Variants in CPLX2 observed in about 807,000 individuals in gnomAD.
CPLX2 encodes complexin-2.
Under a neutral mutation model 16.3 loss-of-function variants are expected in CPLX2, and 5 were observed. The ratio of observed to expected loss-of-function variants is 0.31; its 90% CI spans 0.16 to 0.64. The LOEUF (loss-of-function observed/expected upper bound fraction) is 0.64, where lower values mean the gene tolerates loss of function less well. Among genes scored for constraint, CPLX2 ranks in the 30% least tolerant of loss-of-function variants. CPLX2 has a pLI of 0.79. For synonymous variants in CPLX2, 89 were observed against 73.2 expected (o/e 1.22, Z -1.10); for missense variants, 144 against 181.4 (o/e 0.79, Z 1.18).
intron 2 of CPLX2, among the ~76,000 whole-genome samples, chr5:175,836,150 A>G (rs1210836427): frequency 3.3e-5 from 5 of 152,068 alleles, no homozygotes; most frequent in East Asian, 3.9e-4. Flanking sequence ...GGAGATCGAA[A>G]CCATCCTGGC....
At chr5:175,828,287 T>A (rs895868603) in intron 2 of CPLX2, among the ~76,000 whole-genome samples, 1 of 151,954 alleles carries the variant, frequency 6.6e-6, no homozygotes, top group East Asian at 1.9e-4. Flanking sequence ...AGGGTGAGGG[T>A]CTGGAAACTG....
Position 175,809,761 on chromosome 5 carries a change from G to A in CPLX2, c.-89+693G>A, listed in dbSNP as rs748040236. On this transcript the variant is annotated intron_variant, in intron 2 of 4. Transcript: ENST00000359546. The surrounding 1 kb of genome is among the most constrained non-coding windows in gnomAD (Gnocchi z 4.4). The stretch of plus-strand genomic sequence containing the variant: ...ACATCGCCTCTTCCCCACCACCCAC[G>A]ACCAGTAATCCAGTGTGCATAGTTG... Among the ~76,000 whole-genome samples the A allele has an allele frequency of 6.6e-6, 1 of 152,036 alleles. No individual in the cohort carries two copies. The highest frequency in any genetic ancestry group is 6.6e-5 in the Admixed American group (1 of 15,258).
chr5:175,802,451 C>T (rs534656154), intron 1 of CPLX2, among the ~76,000 whole-genome samples: 13 of 152,346 alleles, frequency 8.5e-5, no homozygotes, highest in South Asian at 6.2e-4. Context: ...GAAAATGTAT[C>T]TCCACGTTTG....
intron 2 of CPLX2, among the ~76,000 whole-genome samples, chr5:175,851,963 A>C (rs1305352081): frequency 3.9e-5 from 6 of 152,180 alleles, no homozygotes; most frequent in African/African-American, 1.4e-4. Context: ...GGGACGGGCT[A>C]TTTCTGCACC....
intron 2 of CPLX2, among the ~76,000 whole-genome samples, chr5:175,841,717 T>G (rs759719522): frequency 1.3e-5 from 2 of 152,124 alleles, no homozygotes; most frequent in Admixed American, 6.5e-5. Context: ...GTCTCCCTTC[T>G]TTGCCTTAGA....
intron 2 of CPLX2, among the ~76,000 whole-genome samples, chr5:175,841,491 C>T (rs1259696384): frequency 6.6e-6 from 1 of 152,188 alleles, no homozygotes; most frequent in African/African-American, 2.4e-5. Context: ...GAGCAGGGAA[C>T]GTGGGGTACA....
At chr5:175,871,464 A>AGAGAGAGAGAGAGAGAGAGG (rs1759612743), upstream of CPLX2, 3 of 93,320 alleles carry the variant, frequency 3.2e-5, no homozygotes, top group South Asian at 3.6e-4. Context: ...AGAGAGAGAG[A>AGAGAGAGAGAGAGAGAGAGG]GAGAGAGAGA....
intron 2 of CPLX2, among the ~76,000 whole-genome samples, chr5:175,863,683 G>GT (rs1034260138): frequency 7.9e-5 from 12 of 151,930 alleles, no homozygotes; most frequent in South Asian, 2.1e-4. Flanking sequence ...GTTTTATTTT[G>GT]TTTTTTTGCC....
chr5:175,854,700 T>C (rs75195640), intron 2 of CPLX2, among the ~76,000 whole-genome samples: 2,540 of 152,220 alleles, frequency 0.017, 60 homozygotes, highest in African/African-American at 0.058. Context: ...TAAATATGTA[T>C]ACAAAGATAA....
At chr5:175,813,438 A>G (rs1393059510) in intron 2 of CPLX2, among the ~76,000 whole-genome samples, 1 of 152,258 alleles carries the variant, frequency 6.6e-6, no homozygotes, top group African/African-American at 2.4e-5. Flanking sequence ...TAGTTCTTAT[A>G]TCCTTCTATT....
At chr5:175,808,529 T>C (rs1758254840) in intron 1 of CPLX2, among the ~76,000 whole-genome samples, 1 of 152,112 alleles carries the variant, frequency 6.6e-6, no homozygotes, top group Admixed American at 6.5e-5. Flanking sequence ...AACAAGCACT[T>C]ATATAGCACT....
chr5:175,819,643 G>A (rs1278553617), intron 2 of CPLX2, among the ~76,000 whole-genome samples: 1 of 152,212 alleles, frequency 6.6e-6, no homozygotes, highest in African/African-American at 2.4e-5. Flanking sequence ...GGGATTGGAA[G>A]TGGGTGTCCT....
rs1319841710 is a variant in CPLX2 at position 175,830,702 on chromosome 5, A to C, written c.-89+21634A>C. On this transcript the variant is annotated intron_variant, in intron 2 of 4. Transcript: ENST00000359546. This position sits in a 1 kb window ranked among gnomAD's most constrained non-coding sequence, Gnocchi z 4.0. ...GCTTTCCTGGAAACAGCAGGAAGCTATTTTTAAAGCAGCATCCGCAGGCAG... is the reference window on the plus strand; with the variant it reads ...GCTTTCCTGGAAACAGCAGGAAGCTCTTTTTAAAGCAGCATCCGCAGGCAG... Among the ~76,000 whole-genome samples, 1 of 152,204 alleles carries C rather than the reference A, an allele frequency of 6.6e-6. No homozygotes were observed. Among genetic ancestry groups the C allele is most frequent in the African/African-American group, 2.4e-5 (1 of 41,436 alleles).
intron 2 of CPLX2, among the ~76,000 whole-genome samples, chr5:175,842,858 A>G (rs954079001): frequency 1.3e-5 from 2 of 152,202 alleles, no homozygotes; most frequent in African/African-American, 4.8e-5. Flanking sequence ...AAACTGAGGA[A>G]AGAAAGACCA....
intron 2 of CPLX2, among the ~76,000 whole-genome samples, chr5:175,818,600 G>T (rs912178244): frequency 1.4e-5 from 2 of 142,126 alleles, no homozygotes; most frequent in African/African-American, 2.7e-5. Flanking sequence ...AGCTCCCTTT[G>T]CTCCCCTTTC....
At position 175,849,652 on chromosome 5, in the gene CPLX2, C is replaced by T. The variant is rs1362299016; in HGVS notation, c.-88-29000C>T. Among the ~76,000 whole-genome samples, 5 of 151,874 alleles carry T rather than the reference C, an allele frequency of 3.3e-5. No homozygotes were observed. Among genetic ancestry groups the T allele is most frequent in the African/African-American group, 1.2e-4 (5 of 41,334 alleles). On this transcript the variant is annotated intron_variant, in intron 2 of 4. Coordinates refer to the CPLX2 transcript ENST00000359546. This position sits in a 1 kb window ranked among gnomAD's most constrained non-coding sequence, Gnocchi z 4.4. ...AGGCTCCTGGAGAGAAGCCCTCTGCCGCAGGTCCTCGTTGGGGTCATCATG... is the reference window on the plus strand; with the variant it reads ...AGGCTCCTGGAGAGAAGCCCTCTGCTGCAGGTCCTCGTTGGGGTCATCATG...
At chr5:175,868,914 C>T (rs1341140887), upstream of CPLX2, among the ~76,000 whole-genome samples, 4 of 152,126 alleles carry the variant, frequency 2.6e-5, no homozygotes, top group Non-Finnish European at 5.9e-5. Context: ...TCTCCCTGGG[C>T]CTCAACTTTC....
At position 175,878,988 on chromosome 5, in the gene CPLX2, C is replaced by A; in HGVS notation, c.112C>A (p.Gln38Lys). 6.2e-7 allele frequency: 1 copy of A among 1,602,808 alleles called. No homozygotes were observed. The highest frequency in any genetic ancestry group is 8.5e-7 in the Non-Finnish European group (1 of 1,174,972). Residue 38 changes from glutamine to lysine, a missense_variant, in exon 3 of 4, where the codon CAG (glutamine) becomes AAG (lysine). Coordinates refer to ENST00000393745, the MANE Select transcript of CPLX2 (RefSeq NM_001008220.2). Reference protein sequence around the residue: ...PDAQKKEEERQEALRQQEEER... With the variant: ...PDAQKKEEERKEALRQQEEER... ...CGCGCAGAAAAAGGAGGAGGAGCGG[C>A]AGGAGGCGCTGCGGCAGCAGGAGGA...
intron 2 of CPLX2, among the ~76,000 whole-genome samples, chr5:175,819,555 T>G (rs1049011679): frequency 2.0e-5 from 3 of 152,212 alleles, no homozygotes; most frequent in African/African-American, 7.2e-5. Context: ...AAAGTGTCTA[T>G]TCAAGGCTCT....
Sources: allele counts gnomAD v4.1 joint callset (sites outside exome capture counted in the v4.1 genomes callset), GRCh38; gene constraint gnomAD v4.1.1; non-coding constraint Gnocchi (gnomAD v3.1); transcripts MANE v1.5; gene names NCBI Gene and HGNC (gene_info 2026-07-23, HGNC 2026-07-21).